WAPL: variants seen among roughly 807,000 people sequenced by gnomAD.
WAPL encodes the protein wings apart-like protein homolog.
WAPL carries 5 observed loss-of-function variants against 121.0 expected under a neutral mutation model. That is an observed-to-expected ratio of 0.04 (90% confidence interval 0.02 to 0.09). WAPL has a LOEUF of 0.09. WAPL is among the 10% of genes least tolerant of loss of function. WAPL has a pLI of 1.00. For synonymous variants in WAPL, 480 were observed against 481.5 expected, an observed-to-expected ratio of 1.00 and a Z score of 0.04; for missense variants, 999 against 1,410.8, an observed-to-expected ratio of 0.71 and a Z score of 4.68.
At chr10:86,491,210 G>A (rs1444644953) in intron 4 of WAPL, among the ~76,000 whole-genome samples, 3 of 128,108 alleles carry the variant, frequency 2.3e-5, no homozygotes, top group Non-Finnish European at 4.7e-5. Flanking sequence ...CATGATCTCC[G>A]CTCACTGCAA....
chr10:86,454,438 G>A (rs1349187312), intron 12 of WAPL, among the ~76,000 whole-genome samples: 3 of 152,108 alleles, frequency 2.0e-5, no homozygotes, highest in Non-Finnish European at 4.4e-5. Context: ...GCCGAGGCTG[G>A]ACTGTACTGC....
At chr10:86,506,973 A>G (rs1318407205) in intron 2 of WAPL, among the ~76,000 whole-genome samples, 1 of 151,778 alleles carries the variant, frequency 6.6e-6, no homozygotes, top group Admixed American at 6.6e-5. Flanking sequence ...ACCCTGTTAT[A>G]TAAGAGCCCC....
chr10:86,453,554 A>G, intron 13 of WAPL, 102 bp downstream of exon 13: 1 of 1,376,622 alleles, frequency 7.3e-7, no homozygotes, highest in South Asian at 1.5e-5. Flanking sequence ...ACATTATGAC[A>G]AATAAAAAAA....
chr10:86,448,267 AAG>A (rs1239955196), intron 15 of WAPL, among the ~76,000 whole-genome samples: 8 of 152,158 alleles, frequency 5.3e-5, no homozygotes, highest in African/African-American at 1.9e-4. Flanking sequence ...ACTTGAGTGC[AAG>A]AGTTTGAGAC....
intron 9 of WAPL, among the ~76,000 whole-genome samples, chr10:86,466,463 G>C (rs1319922887): frequency 3.3e-5 from 5 of 152,062 alleles, no homozygotes; most frequent in Admixed American, 3.3e-4. Flanking sequence ...CCAGCTACTT[G>C]GGGGGCTGAG....
chr10:86,483,187 G>A (rs1012628025), intron 4 of WAPL, among the ~76,000 whole-genome samples: 16 of 152,122 alleles, frequency 1.1e-4, no homozygotes, highest in African/African-American at 3.4e-4. Flanking sequence ...TTGGGAGGCC[G>A]AGGTGGGTGG....
intron 12 of WAPL, among the ~76,000 whole-genome samples, chr10:86,457,931 A>G (rs1841188187): frequency 6.6e-6 from 1 of 152,200 alleles, no homozygotes; most frequent in Non-Finnish European, 1.5e-5. Flanking sequence ...TCTGTTTCAA[A>G]TAATACAGGA....
At position 86,506,947 on chromosome 10, in the gene WAPL, A is replaced by C. The variant is rs112147009; in HGVS notation, c.500-6204T>G. Reference sequence around the variant, plus strand: ...GCTGACTCTCCAGAGCCTCTTTATAAAATGATTACTCCTCCACCCTGTTAT... The same window carrying C: ...GCTGACTCTCCAGAGCCTCTTTATACAATGATTACTCCTCCACCCTGTTAT... On this transcript the variant is annotated intron_variant, in intron 2 of 18. Transcript: ENST00000298767. Among the ~76,000 whole-genome samples, 238 of 152,026 alleles carry C rather than the reference A, an allele frequency of 1.6e-3. 1 individual carries two copies. The highest frequency in any genetic ancestry group is 5.5e-3 in the African/African-American group (226 of 41,438).
In WAPL at chr10:86,460,516, C is replaced by T. The variant is rs377109714; in HGVS notation, c.2483-20G>A. 83 of 1,592,518 alleles carry T rather than the reference C, an allele frequency of 5.2e-5. No individual in the cohort carries two copies. The highest frequency in any genetic ancestry group is 6.6e-5 in the Non-Finnish European group (77 of 1,162,564). On this transcript the variant is annotated intron_variant, in intron 10 of 18. Transcript: ENST00000298767. Reference sequence around the variant, plus strand: ...CTTTTACTAGGTGAAAAGAAACAAACGTAAGTTAGTATTTATCATCGATAC... The same window carrying T: ...CTTTTACTAGGTGAAAAGAAACAAATGTAAGTTAGTATTTATCATCGATAC...
At position 86,479,706 on chromosome 10, in the gene WAPL, TTCAA is replaced by T. The variant is rs1196909879; in HGVS notation, c.1645-5737_1645-5734del. Reference sequence around the variant, plus strand: ...ATCCACCCAAGGATATCACCAGTAATTCAATCAATCAGCACGAAGTACAACTAAA... The same window carrying T: ...ATCCACCCAAGGATATCACCAGTAATTCAATCAGCACGAAGTACAACTAAA... On this transcript the variant is annotated intron_variant, in intron 4 of 18. Coordinates refer to ENST00000298767, the MANE Select transcript of WAPL (RefSeq NM_015045.5). 5.9e-5 allele frequency among the ~76,000 whole-genome samples: 9 copies of T among 152,212 alleles called. No homozygotes were observed. The East Asian group carries it at 1.2e-3, about 20-fold the overall frequency.
At chr10:86,473,262 AAGACAGGG>A (rs1841574645) in intron 5 of WAPL, among the ~76,000 whole-genome samples, 2 of 152,236 alleles carry the variant, frequency 1.3e-5, no homozygotes, top group Non-Finnish European at 2.9e-5. Flanking sequence ...TCAGTTTAAG[AAGACAGGG>A]AACTGTACAT....
intron 2 of WAPL, among the ~76,000 whole-genome samples, chr10:86,510,067 CCTTT>C (rs1342590667): frequency 3.4e-5 from 4 of 117,680 alleles, no homozygotes; most frequent in African/African-American, 7.3e-5. Context: ...CTCCACCCGG[CCTTT>C]TTTTTTTTTT....
At chr10:86,439,659 G>C (rs1163520006) in intron 17 of WAPL, among the ~76,000 whole-genome samples, 9 of 152,226 alleles carry the variant, frequency 5.9e-5, no homozygotes, top group African/African-American at 1.9e-4. Flanking sequence ...CTTAAGTCCA[G>C]GGTCTTGCAA....
At chr10:86,454,766 G>T (rs927215033) in intron 12 of WAPL, among the ~76,000 whole-genome samples, 1 of 151,138 alleles carries the variant, frequency 6.6e-6, no homozygotes, top group Non-Finnish European at 1.5e-5. Context: ...CTTCCCAGCC[G>T]CCATCCCGTC....
In WAPL at chr10:86,452,062, T is replaced by C. The variant is rs899549341; in HGVS notation, c.3019A>G (p.Thr1007Ala). The C allele has an allele frequency of 1.2e-6, 2 of 1,614,136 alleles. No individual in the cohort carries two copies. Among genetic ancestry groups the C allele is most frequent in the Non-Finnish European group, 1.7e-6 (2 of 1,180,016 alleles). ...ATGGAAGAATCAAAAGAGCACGATGTTTCCATGTTGACAAGACAGTGCCGA... is the reference window on the plus strand; with the variant it reads ...ATGGAAGAATCAAAAGAGCACGATGCTTCCATGTTGACAAGACAGTGCCGA... ...RNRHCLVNME[T>A]SCSFDSSICS... Residue 1007 changes from threonine (T) to alanine (A), a missense_variant, in exon 15 of 19, where the codon ACA becomes GCA. By Grantham distance (58) the Thr-to-Ala change is moderately conservative. Coordinates refer to ENST00000298767, the MANE Select transcript of WAPL (RefSeq NM_015045.5).
intron 4 of WAPL, among the ~76,000 whole-genome samples, chr10:86,492,640 C>T (rs551599344): frequency 6.6e-6 from 1 of 152,236 alleles, no homozygotes; most frequent in Non-Finnish European, 1.5e-5. Flanking sequence ...ATCAAACTTC[C>T]AGACTTAAAT....
At chr10:86,452,254 G>T in intron 14 of WAPL, 123 bp from the exon 15 acceptor site, 1 of 885,374 alleles carries the variant, frequency 1.1e-6, no homozygotes, top group Non-Finnish European at 1.6e-6. Flanking sequence ...CCTACAAAAT[G>T]GCTAAAAACC....
At chr10:86,515,067 C>T (rs578210170) in intron 2 of WAPL, among the ~76,000 whole-genome samples, 5 of 152,086 alleles carry the variant, frequency 3.3e-5, no homozygotes, top group East Asian at 1.9e-4. Flanking sequence ...CTAGACCAGC[C>T]GGGCCAACAT....
intron 18 of WAPL, 138 bp from the exon 19 acceptor site, chr10:86,437,746 G>C (rs1849360363): frequency 9.3e-7 from 1 of 1,069,616 alleles, no homozygotes; most frequent in African/African-American, 1.6e-5. Flanking sequence ...TTGTGGGTTT[G>C]ATAAAGTTAT....
Sources: allele counts gnomAD v4.1 joint callset (sites outside exome capture counted in the v4.1 genomes callset), GRCh38; gene constraint gnomAD v4.1.1; transcripts MANE v1.5; gene names NCBI Gene and HGNC (gene_info 2026-07-23, HGNC 2026-07-21).